The following TMEM184C variants were observed in gnomAD, a reference collection of about 807,000 sequenced individuals.
TMEM184C encodes transmembrane protein 184C.
A neutral mutation model predicts 54.5 loss-of-function variants in TMEM184C; 25 were observed. The observed-to-expected ratio is 0.46, with a 90% CI of 0.33 to 0.64. The LOEUF (loss-of-function observed/expected upper bound fraction) is 0.64. Ranked by LOEUF, TMEM184C falls within the 30% of genes least tolerant of loss-of-function variation. The pLI, the probability that TMEM184C is intolerant of heterozygous loss-of-function variation, is 0.02. For missense variants in TMEM184C, 335 were observed against 520.3 expected (o/e 0.64, Z 3.46); for synonymous variants, 148 against 181.5 (o/e 0.82, Z 1.49).
chr4:147,628,374 A>C lies in TMEM184C; in HGVS notation c.511A>C (p.Arg171=), dbSNP rs1732851805. 2 of 1,612,756 alleles carry C rather than the reference A, an allele frequency of 1.2e-6. No homozygotes were observed. The highest frequency in any genetic ancestry group is 1.7e-6 in the Non-Finnish European group (2 of 1,179,672). ...TTTCTTTTGCAGAGTATTGCTGTTT[A>C]GGTGCAAACTAGGTGTATTACAGTA... is the stretch of plus-strand genomic sequence containing the variant. ...PWAMGEVLLF[R]CKLGVLQYTV... Residue 171 remains arginine (R), a synonymous_variant, in exon 5 of 10, where the codon AGG becomes CGG. Coordinates refer to ENST00000296582, the MANE Select transcript of TMEM184C (RefSeq NM_018241.3).
chr4:147,636,008 T>C lies in TMEM184C; in HGVS notation c.*1574T>C, dbSNP rs1733032779. 4 of 152,054 alleles carry C rather than the reference T, an allele frequency of 2.6e-5. No individual in the cohort carries two copies. Among genetic ancestry groups the C allele is most frequent in the African/African-American group, 7.2e-5 (3 of 41,410 alleles). 9.4% of individuals were successfully genotyped at this position (152,054 alleles called of 1,614,324 possible). On this transcript the variant is annotated 3_prime_UTR_variant, in exon 10 of 10. Transcript: ENST00000296582. ...AGAAAGACACAAATAAATGGAAAGGTATCCCGTGCTCATGGATCAGAATAA... is the reference window on the plus strand; with the variant it reads ...AGAAAGACACAAATAAATGGAAAGGCATCCCGTGCTCATGGATCAGAATAA...
rs1284797814 is a variant in TMEM184C, at chr4:147,634,741, GAGAC to G, written c.*315_*318del. Reference sequence around the variant, plus strand: ...CAAGAGGATGGACTTTTTTTTTTTTGAGACAGACAGAGTCTTGCTCTGTCACCCA... The same window carrying G: ...CAAGAGGATGGACTTTTTTTTTTTTGAGACAGAGTCTTGCTCTGTCACCCA... On this transcript the variant is annotated 3_prime_UTR_variant, in exon 10 of 10. Transcript: ENST00000296582. 8 of 210,662 alleles carry G rather than the reference GAGAC, an allele frequency of 3.8e-5. No homozygotes were observed. Among genetic ancestry groups the G allele is most frequent in the East Asian group, 1.1e-4 (1 of 8,832 alleles). The allele number at this position is 210,662 out of a possible 1,614,324, so 13.0% of individuals were successfully genotyped here.
intron 7 of TMEM184C, 31 bp from the exon 8 acceptor site, chr4:147,632,872 G>C: frequency 6.3e-7 from 1 of 1,593,618 alleles, no homozygotes; most frequent in Non-Finnish European, 8.6e-7. Context: ...GCTTGATATA[G>C]ATTTGGCGTT....
chr4:147,629,689 G>A lies in TMEM184C; in HGVS notation c.663G>A (p.Gln221=), dbSNP rs745891930. 1.3e-6 allele frequency: 2 copies of A among 1,565,154 alleles called. No individual in the cohort carries two copies. The highest frequency in any genetic ancestry group is 1.2e-5 in the South Asian group (1 of 80,170). ...TGGTTATAATAAACAACATGTCACA[G>A]TTGGTAAGTAAAATGTTCACTTTTC... ...TYLVIINNMS[Q]LFAMYCLLLF... Residue 221 remains glutamine, a synonymous_variant, in exon 6 of 10, where the codon CAG becomes CAA. Transcript: ENST00000296582.
intron 1 of TMEM184C, 39 bp from the exon 2 acceptor site, chr4:147,623,795 T>C: frequency 6.2e-7 from 1 of 1,603,702 alleles, no homozygotes; most frequent in Non-Finnish European, 8.5e-7. Context: ...TTTGTTTTAA[T>C]ATCAGAATTT....
At chr4:147,621,692 A>T (rs535396427) in intron 1 of TMEM184C, among the ~76,000 whole-genome samples, 77 of 152,280 alleles carry the variant, frequency 5.1e-4, no homozygotes, top group African/African-American at 1.6e-3. Flanking sequence ...AATGACATTA[A>T]TGTGGAGAGA....
chr4:147,632,172 CAAAAAAA>C (rs537342410), intron 7 of TMEM184C, among the ~76,000 whole-genome samples: 4 of 123,182 alleles, frequency 3.2e-5, no homozygotes, highest in African/African-American at 1.2e-4. Flanking sequence ...AACTCTGTCT[CAAAAAAA>C]AAAAAAAAAA....
chr4:147,635,502 G>A lies in TMEM184C; in HGVS notation c.*1068G>A, dbSNP rs1733007320. 6.6e-6 allele frequency: 1 copy of A among 152,120 alleles called. No homozygotes were observed. Among genetic ancestry groups the A allele is most frequent in the Non-Finnish European group, 1.5e-5 (1 of 68,002 alleles). The allele number at this position is 152,120 out of a possible 1,614,324, so 9.4% of individuals were successfully genotyped here. On this transcript the variant is annotated 3_prime_UTR_variant, in exon 10 of 10. Coordinates refer to ENST00000296582, the MANE Select transcript of TMEM184C (RefSeq NM_018241.3). ...GCTAATCACAACCCCACTGGGTCAT[G>A]TTTGACATTTTATAATGAAAATAAA...
intron 1 of TMEM184C, among the ~76,000 whole-genome samples, chr4:147,621,522 A>T (rs1207664047): frequency 2.0e-5 from 3 of 152,200 alleles, no homozygotes; most frequent in Admixed American, 6.5e-5. Flanking sequence ...ACATAAAATT[A>T]AAAAATTATA....
At chr4:147,627,541 A>G (rs1383118765) in intron 4 of TMEM184C, among the ~76,000 whole-genome samples, 1 of 152,194 alleles carries the variant, frequency 6.6e-6, no homozygotes, top group Non-Finnish European at 1.5e-5. Context: ...CAGTGCTGGG[A>G]TTACAGGCGT....
intron 7 of TMEM184C, chr4:147,632,555 A>G (rs992889874): frequency 3.2e-5 from 6 of 185,406 alleles, no homozygotes; most frequent in Non-Finnish European, 6.6e-5. Flanking sequence ...GTTGTTCCTA[A>G]TTTTTTTACC....
intron 7 of TMEM184C, 99 bp downstream of exon 7, chr4:147,631,604 T>C (rs1732919222): frequency 1.2e-6 from 1 of 808,640 alleles, no homozygotes; most frequent in Non-Finnish European, 2.0e-6. Context: ...GGAAGATAGA[T>C]TAAAATGTCT....
In TMEM184C at chr4:147,635,353, A is replaced by G. The variant is rs1266341249; in HGVS notation, c.*919A>G. On this transcript the variant is annotated 3_prime_UTR_variant, in exon 10 of 10. Coordinates refer to ENST00000296582, the MANE Select transcript of TMEM184C (RefSeq NM_018241.3). ...AGTTCTACTTTTCATCAGTGCTATTAAAGGTGGCAGCAAATGTAAATCTTG... is the reference window on the plus strand; with the variant it reads ...AGTTCTACTTTTCATCAGTGCTATTGAAGGTGGCAGCAAATGTAAATCTTG... 1 of 152,230 alleles carries G rather than the reference A, an allele frequency of 6.6e-6. No homozygotes were observed. The highest frequency in any genetic ancestry group is 1.5e-5 in the Non-Finnish European group (1 of 68,032). 9.4% of individuals were successfully genotyped at this position (152,230 alleles called of 1,614,324 possible).
chr4:147,627,800 G>A (rs185694887), intron 4 of TMEM184C, among the ~76,000 whole-genome samples: 238 of 151,410 alleles, frequency 1.6e-3, no homozygotes, highest in African/African-American at 5.6e-3. Context: ...AGGAGGCTGA[G>A]GTGGGAGGAT....
intron 5 of TMEM184C, among the ~76,000 whole-genome samples, 196 bp downstream of exon 5, chr4:147,628,631 G>T (rs1332788654): frequency 1.3e-5 from 2 of 151,832 alleles, no homozygotes; most frequent in East Asian, 1.9e-4. Flanking sequence ...TCACCACAGG[G>T]GTCTCCTAAA....
intron 1 of TMEM184C, among the ~76,000 whole-genome samples, chr4:147,621,234 A>G (rs1451394185): frequency 6.6e-6 from 1 of 152,098 alleles, no homozygotes; most frequent in Non-Finnish European, 1.5e-5. Context: ...CTCTCCCCTC[A>G]GGAAGACCTG....
intron 1 of TMEM184C, among the ~76,000 whole-genome samples, chr4:147,622,232 C>T (rs530409655): frequency 2.0e-5 from 3 of 152,092 alleles, no homozygotes; most frequent in South Asian, 4.1e-4. Context: ...CATGAGCCAC[C>T]GCGCCTGGCC....
At position 147,634,335 on chromosome 4, in the gene TMEM184C, TC is replaced by T. The variant is rs1250763453; in HGVS notation, c.1222del (p.Gln408ArgfsTer18). ...ACCAAGGGTTTGGACACACTGTGAC[TC>T]CCCAGACTACACCTACCACAGCTAA... is the stretch of plus-strand genomic sequence containing the variant. ...HYQGFGHTVT[P>X]QTTPTTAKIS... On this transcript the variant is annotated frameshift_variant, in exon 10 of 10. Coordinates refer to ENST00000296582, the MANE Select transcript of TMEM184C (RefSeq NM_018241.3). LOFTEE classifies it low-confidence loss of function (END_TRUNC). The T allele has an allele frequency of 6.2e-7, 1 of 1,613,708 alleles. No individual in the cohort carries two copies. The highest frequency in any genetic ancestry group is 8.5e-7 in the Non-Finnish European group (1 of 1,179,944).
At chr4:147,622,901 T>A (rs1408966352) in intron 1 of TMEM184C, among the ~76,000 whole-genome samples, 1 of 152,098 alleles carries the variant, frequency 6.6e-6, no homozygotes, top group African/African-American at 2.4e-5. Flanking sequence ...TAGGTAGGAC[T>A]ACAGGCACAT....
Sources: allele counts gnomAD v4.1 joint callset (sites outside exome capture counted in the v4.1 genomes callset), GRCh38; gene constraint gnomAD v4.1.1; transcripts MANE v1.5; gene names NCBI Gene and HGNC (gene_info 2026-07-23, HGNC 2026-07-21).